GUCD1: variants seen among roughly 807,000 people sequenced by gnomAD.
GUCD1 encodes guanylyl cyclase domain containing 1.
GUCD1 carries 17 observed loss-of-function variants against 28.3 expected under a neutral mutation model. The ratio of observed to expected loss-of-function variants is 0.60; its 90% CI spans 0.41 to 0.90. The LOEUF (loss-of-function observed/expected upper bound fraction) is 0.90, where lower values mean the gene tolerates loss of function less well. Ranked by LOEUF, GUCD1 falls within the 40% of genes least tolerant of loss-of-function variation. The pLI, the probability that GUCD1 is intolerant of heterozygous loss-of-function variation, is 0.00. For missense variants in GUCD1, 279 were observed against 305.5 expected, an observed-to-expected ratio of 0.91 and a Z score of 0.65; for synonymous variants, 129 against 123.3, an observed-to-expected ratio of 1.05 and a Z score of -0.30.
At chr22:24,546,400 G>C (rs985271474) in intron 4 of GUCD1, among the ~76,000 whole-genome samples, 1 of 152,172 alleles carries the variant, frequency 6.6e-6, no homozygotes, top group Non-Finnish European at 1.5e-5. Flanking sequence ...CCACTCCCAC[G>C]TAGCCCAGAA....
intron 1 of GUCD1, among the ~76,000 whole-genome samples, chr22:24,553,217 T>G (rs1381430683): frequency 3.9e-5 from 6 of 152,210 alleles, no homozygotes; most frequent in African/African-American, 1.4e-4. Flanking sequence ...CATCCCTTAG[T>G]CTAGGAGTGT....
chr22:24,550,343 CTAG>C (rs754765038), intron 1 of GUCD1, among the ~76,000 whole-genome samples: 127 of 152,156 alleles, frequency 8.3e-4, no homozygotes, highest in Non-Finnish European at 1.6e-3. Flanking sequence ...AAATAGAGGC[CTAG>C]GCTGGGGAAA....
chr22:24,549,820 A>T (rs113061862), intron 1 of GUCD1, among the ~76,000 whole-genome samples: 3 of 152,250 alleles, frequency 2.0e-5, no homozygotes, highest in African/African-American at 7.2e-5. Flanking sequence ...CCGCCTGGCC[A>T]GCAGGGGCTG....
intron 3 of GUCD1, 91 bp downstream of exon 3, chr22:24,547,817 C>T: frequency 1.4e-6 from 2 of 1,401,294 alleles, no homozygotes; most frequent in Non-Finnish European, 2.0e-6. Flanking sequence ...GTGTCTAGCC[C>T]TTGACTGTTC....
chr22:24,555,234 C>T (rs1271780581), upstream of GUCD1: 4 of 1,309,158 alleles, frequency 3.1e-6, no homozygotes, highest in Non-Finnish European at 1.9e-6. Context: ...TCTTAGAGGT[C>T]CCCAGCCTCT....
At chr22:24,555,444 G>T, upstream of GUCD1, 3 of 1,143,146 alleles carry the variant, frequency 2.6e-6, no homozygotes, top group Non-Finnish European at 2.4e-6. Flanking sequence ...GCCGGGTCCC[G>T]CTCTTTTGCC....
At chr22:24,544,674 C>T (rs2044680181) in intron 4 of GUCD1, among the ~76,000 whole-genome samples, 1 of 152,166 alleles carries the variant, frequency 6.6e-6, no homozygotes, top group African/African-American at 2.4e-5. Context: ...GCAGAAGGCA[C>T]TGCCCCATCC....
At chr22:24,546,470 T>C (rs1248542557) in intron 4 of GUCD1, among the ~76,000 whole-genome samples, 1 of 152,110 alleles carries the variant, frequency 6.6e-6, no homozygotes, top group African/African-American at 2.4e-5. Context: ...CCAGCCCCAA[T>C]GCATACAGAT....
In GUCD1 at chr22:24,546,896, G is replaced by A; in HGVS notation, c.386+18C>T. 1.9e-6 allele frequency: 3 copies of A among 1,609,476 alleles called. No individual in the cohort carries two copies. The highest frequency in any genetic ancestry group is 1.7e-6 in the Non-Finnish European group (2 of 1,176,208). ...CAGGCATGAGAGGAAGGGCAGGTAG[G>A]AAAGTTGGGGGGCTCACCATTTCTC... On this transcript the variant is annotated intron_variant, in intron 4 of 5. Transcript: ENST00000435822.
Position 24,541,954 on chromosome 22 carries a change from C to G in GUCD1, c.*1052G>C, listed in dbSNP as rs1199048814. ...CAAAGAAACAACCCCTGACCCCAAC[C>G]TCCCCAAAAAAGAGGAAGGAAAGAG... On this transcript the variant is annotated 3_prime_UTR_variant, in exon 6 of 6. Transcript: ENST00000435822. 2 of 152,270 alleles carry G rather than the reference C, an allele frequency of 1.3e-5. No individual in the cohort carries two copies. The highest frequency in any genetic ancestry group is 4.8e-5 in the African/African-American group (2 of 41,468). The allele number at this position is 152,270 out of a possible 1,614,324, so 9.4% of individuals were successfully genotyped here. A position where few individuals can be genotyped will look rare whatever the true frequency, so the allele number is the denominator to read the frequency against.
At chr22:24,547,729 T>C (rs1272290078) in intron 3 of GUCD1, 179 bp downstream of exon 3, 4 of 631,000 alleles carry the variant, frequency 6.3e-6, no homozygotes, top group African/African-American at 5.5e-5. Context: ...GGGCACCTGC[T>C]CTGACTGGCT....
chr22:24,547,058 C>T (rs1280530247), intron 3 of GUCD1, 53 bp from the exon 4 acceptor site: 17 of 1,341,198 alleles, frequency 1.3e-5, no homozygotes, highest in Middle Eastern at 1.8e-4. Context: ...GCCTTCACTC[C>T]ATTTAGATGA....
intron 4 of GUCD1, among the ~76,000 whole-genome samples, chr22:24,546,245 G>A (rs2044724766): frequency 6.6e-6 from 1 of 152,218 alleles, no homozygotes; most frequent in Non-Finnish European, 1.5e-5. Context: ...ACAGGCGTGA[G>A]CCACCGCGCC....
intron 5 of GUCD1, 31 bp from the exon 6 acceptor site, chr22:24,543,128 C>A: frequency 6.4e-7 from 1 of 1,552,850 alleles, no homozygotes; most frequent in South Asian, 1.1e-5. Context: ...AGAACGGGGT[C>A]AGTGGGTTGT....
intron 1 of GUCD1, 82 bp downstream of exon 1, chr22:24,554,867 G>A: frequency 4.4e-6 from 5 of 1,145,388 alleles, no homozygotes; most frequent in Admixed American, 2.1e-5. Context: ...GCCCAAGGTC[G>A]CGCGACTGGA....
intron 3 of GUCD1, chr22:24,547,269 G>A: frequency 2.2e-6 from 1 of 464,160 alleles, no homozygotes; most frequent in Admixed American, 3.4e-5. Flanking sequence ...GCTCTCTGGG[G>A]AGGATCGATC....
chr22:24,551,394 C>A (rs1238089362), intron 1 of GUCD1, among the ~76,000 whole-genome samples: 27 of 152,220 alleles, frequency 1.8e-4, no homozygotes. Context: ...CCCACCTCTA[C>A]ATACAGCAGC....
upstream of GUCD1, chr22:24,555,310 C>T: frequency 1.4e-6 from 2 of 1,397,548 alleles, no homozygotes; most frequent in East Asian, 2.6e-5. Context: ...TCGCCCAATC[C>T]TCGCGCAGAC....
intron 4 of GUCD1, among the ~76,000 whole-genome samples, chr22:24,546,686 C>G (rs1436629143): frequency 6.6e-6 from 1 of 152,234 alleles, no homozygotes; most frequent in Non-Finnish European, 1.5e-5. Context: ...CCCTCCAGCA[C>G]CTGCTCAGGA....
Sources: gnomAD v4.1 joint callset for allele counts (sites outside exome capture counted in the v4.1 genomes callset) on GRCh38, gnomAD v4.1.1 for gene constraint, MANE v1.5 for transcripts, NCBI Gene and HGNC (gene_info 2026-07-23, HGNC 2026-07-21) for gene names.